MAN1A2: variants seen among roughly 807,000 people sequenced by gnomAD.
The protein encoded by MAN1A2 is mannosidase alpha class 1A member 2, also known as mannosyl-oligosaccharide 1,2-alpha-mannosidase IB.
A neutral mutation model predicts 75.7 loss-of-function variants in MAN1A2; 26 were observed. That is an observed-to-expected ratio of 0.34 (90% confidence interval 0.25 to 0.48). The LOEUF (loss-of-function observed/expected upper bound fraction) is 0.48. Among genes scored for constraint, MAN1A2 ranks in the 20% least tolerant of loss-of-function variants. MAN1A2 has a pLI of 0.99. For missense variants in MAN1A2, 562 were observed against 775.5 expected (o/e 0.72, Z 3.27); for synonymous variants, 247 against 264.6 (o/e 0.93, Z 0.65).
At chr1:117,421,453 C>A (rs1648193567) in intron 5 of MAN1A2, among the ~76,000 whole-genome samples, 1 of 151,198 alleles carries the variant, frequency 6.6e-6, no homozygotes, top group East Asian at 1.9e-4. Context: ...TTTTTCCCCC[C>A]AGTGTTTTGG....
intron 1 of MAN1A2, among the ~76,000 whole-genome samples, chr1:117,370,745 G>GTGTT (rs1652935050): frequency 6.8e-6 from 1 of 146,350 alleles, no homozygotes; most frequent in Non-Finnish European, 1.5e-5. Flanking sequence ...TTTAGTGTGT[G>GTGTT]TGTGTGTGTG....
chr1:117,408,256 G>A (rs1263534772), intron 3 of MAN1A2, among the ~76,000 whole-genome samples: 1 of 147,640 alleles, frequency 6.8e-6, no homozygotes, highest in Non-Finnish European at 1.5e-5. Context: ...AATAGCCACT[G>A]TGCCCTAACC....
chr1:117,480,072 A>T (rs1650446678), intron 8 of MAN1A2, among the ~76,000 whole-genome samples: 1 of 151,904 alleles, frequency 6.6e-6, no homozygotes, highest in Admixed American at 6.6e-5. Flanking sequence ...AGCACCAGGC[A>T]GTGTTCCCAC....
chr1:117,515,684 C>T (rs1651690419), intron 12 of MAN1A2: 1 of 152,806 alleles, frequency 6.5e-6, no homozygotes, highest in Non-Finnish European at 1.5e-5. Flanking sequence ...ATGGATGACC[C>T]TTGAGGACAT....
intron 1 of MAN1A2, among the ~76,000 whole-genome samples, chr1:117,371,637 C>G (rs920681723): frequency 1.6e-4 from 24 of 152,144 alleles, no homozygotes; most frequent in African/African-American, 5.8e-4. Context: ...CTTGGCATCA[C>G]TAAGAATCTG....
chr1:117,473,926 A>G (rs1432511403), intron 8 of MAN1A2, among the ~76,000 whole-genome samples: 1 of 152,034 alleles, frequency 6.6e-6, no homozygotes, highest in Non-Finnish European at 1.5e-5. Context: ...AATAACAAAT[A>G]TCTTCTTCAG....
chr1:117,471,322 T>A (rs1441887214), intron 8 of MAN1A2, among the ~76,000 whole-genome samples: 1 of 151,936 alleles, frequency 6.6e-6, no homozygotes, highest in African/African-American at 2.4e-5. Context: ...ATATTTATAA[T>A]ATGTTTGAAA....
intron 12 of MAN1A2, among the ~76,000 whole-genome samples, chr1:117,511,799 C>T (rs1221098362): frequency 1.3e-5 from 2 of 152,088 alleles, no homozygotes; most frequent in Non-Finnish European, 2.9e-5. Context: ...TTCTTCATAG[C>T]ACCTATCTTC....
intron 8 of MAN1A2, among the ~76,000 whole-genome samples, chr1:117,470,795 A>G (rs1159181309): frequency 1.3e-5 from 2 of 151,974 alleles, no homozygotes; most frequent in Non-Finnish European, 2.9e-5. Context: ...AGCTATATGC[A>G]TCTGTCATAT....
intron 5 of MAN1A2, among the ~76,000 whole-genome samples, chr1:117,431,486 C>G (rs1372103630): frequency 6.6e-6 from 1 of 151,952 alleles, no homozygotes; most frequent in Non-Finnish European, 1.5e-5. Context: ...ATGTAGAAGT[C>G]CCGAATGACA....
At chr1:117,400,725 G>T (rs1647395828) in intron 1 of MAN1A2, among the ~76,000 whole-genome samples, 1 of 152,098 alleles carries the variant, frequency 6.6e-6, no homozygotes, top group African/African-American at 2.4e-5. Flanking sequence ...CTGTAGTGTG[G>T]ATATACCACA....
Position 117,524,947 on chromosome 1 carries a change from C to A in MAN1A2, c.*1990C>A. On this transcript the variant is annotated 3_prime_UTR_variant, in exon 13 of 13. Transcript: ENST00000356554. ...CTTCCTCGTAAAAGTAGCACAAGCC[C>A]ACTTATGAATCACTGAGAAAAAGTG... 1 of 338,192 alleles carries A rather than the reference C, an allele frequency of 3.0e-6. No homozygotes were observed. The highest frequency in any genetic ancestry group is 6.0e-6 in the Non-Finnish European group (1 of 166,502). The allele number at this position is 338,192 out of a possible 1,614,324, so 20.9% of individuals were successfully genotyped here. A position where few individuals can be genotyped will look rare whatever the true frequency, so the allele number is the denominator to read the frequency against.
At chr1:117,382,366 T>A (rs1377157901) in intron 1 of MAN1A2, among the ~76,000 whole-genome samples, 6 of 152,318 alleles carry the variant, frequency 3.9e-5, no homozygotes, top group African/African-American at 1.4e-4. Context: ...GTATAAGGTG[T>A]AAGGAAGGGA....
At chr1:117,466,763 G>A (rs1304983037) in intron 8 of MAN1A2, among the ~76,000 whole-genome samples, 2 of 152,208 alleles carry the variant, frequency 1.3e-5, no homozygotes, top group East Asian at 1.9e-4. Context: ...GGAGGTAGAG[G>A]AGGAGTATGA....
intron 8 of MAN1A2, among the ~76,000 whole-genome samples, chr1:117,479,368 C>G (rs911580906): frequency 6.6e-6 from 1 of 151,872 alleles, no homozygotes; most frequent in Non-Finnish European, 1.5e-5. Context: ...TAGGTTGATT[C>G]CATGTCTTCA....
chr1:117,426,477 T>G (rs1189273097), intron 5 of MAN1A2, among the ~76,000 whole-genome samples: 1 of 152,172 alleles, frequency 6.6e-6, no homozygotes, highest in African/African-American at 2.4e-5. Context: ...ATAAACCCAT[T>G]GCAAATTGAA....
intron 12 of MAN1A2, among the ~76,000 whole-genome samples, chr1:117,520,352 C>CA (rs1651837236): frequency 6.6e-6 from 1 of 151,878 alleles, no homozygotes; most frequent in African/African-American, 2.4e-5. Flanking sequence ...AAAGGGCATC[C>CA]AAATTAGTAA....
chr1:117,381,088 A>C (rs1208092402), intron 1 of MAN1A2, among the ~76,000 whole-genome samples: 3 of 152,072 alleles, frequency 2.0e-5, no homozygotes, highest in Non-Finnish European at 4.4e-5. Context: ...CATTAAATTT[A>C]TTCCTAGGTA....
chr1:117,423,941 G>A (rs1323337621), intron 5 of MAN1A2, among the ~76,000 whole-genome samples: 4 of 148,320 alleles, frequency 2.7e-5, no homozygotes, highest in Admixed American at 1.4e-4. Flanking sequence ...GGAGTGCAAT[G>A]GCGCGATCAC....
Sources: gnomAD v4.1 joint callset for allele counts (sites outside exome capture counted in the v4.1 genomes callset) on GRCh38, gnomAD v4.1.1 for gene constraint, MANE v1.5 for transcripts, NCBI Gene and HGNC (gene_info 2026-07-23, HGNC 2026-07-21) for gene names.